The following VWC2L variants were observed in gnomAD, a reference collection of about 807,000 sequenced individuals.
The protein encoded by VWC2L is von Willebrand factor C domain-containing protein 2-like.
VWC2L carries 10 observed loss-of-function variants against 21.6 expected under a neutral mutation model. The ratio of observed to expected loss-of-function variants is 0.46; its 90% CI spans 0.29 to 0.78. The LOEUF (loss-of-function observed/expected upper bound fraction) is 0.78. VWC2L is among the 30% of genes least tolerant of loss of function. The pLI is 0.10. For synonymous variants in VWC2L, 96 were observed against 94.3 expected, an observed-to-expected ratio of 1.02 and a Z score of -0.10; for missense variants, 209 against 277.1, an observed-to-expected ratio of 0.75 and a Z score of 1.74.
chr2:214,549,253 T>C (rs781478213), intron 3 of VWC2L, among the ~76,000 whole-genome samples: 97 of 152,350 alleles, frequency 6.4e-4, no homozygotes, highest in Non-Finnish European at 1.1e-3. Context: ...GCACACTCGC[T>C]TTTACCATGT....
intron 3 of VWC2L, among the ~76,000 whole-genome samples, chr2:214,481,661 C>T (rs1182677272): frequency 6.6e-6 from 1 of 152,196 alleles, no homozygotes; most frequent in Admixed American, 6.5e-5. Flanking sequence ...AATAGTTTGA[C>T]ATCTGATGTA....
intron 3 of VWC2L, among the ~76,000 whole-genome samples, chr2:214,473,389 G>A (rs1303516296): frequency 6.6e-6 from 1 of 152,162 alleles, no homozygotes; most frequent in East Asian, 1.9e-4. Flanking sequence ...CTAAATAGGT[G>A]TTTCTTATTG....
chr2:214,500,745 G>A (rs1688880092), intron 3 of VWC2L, among the ~76,000 whole-genome samples: 1 of 152,216 alleles, frequency 6.6e-6, no homozygotes, highest in Admixed American at 6.5e-5. Flanking sequence ...GAATGAAGGA[G>A]AGAATCAGTA....
intron 3 of VWC2L, among the ~76,000 whole-genome samples, chr2:214,554,069 C>T (rs1351387749): frequency 2.0e-5 from 3 of 152,132 alleles, no homozygotes; most frequent in Non-Finnish European, 2.9e-5. Flanking sequence ...ATCTTGGACT[C>T]TTTCTGCACT....
chr2:214,507,630 T>G (rs1688985545), intron 3 of VWC2L, among the ~76,000 whole-genome samples: 2 of 152,180 alleles, frequency 1.3e-5, no homozygotes, highest in South Asian at 4.1e-4. Flanking sequence ...CAATGTACCA[T>G]GCTGGCACCC....
intron 3 of VWC2L, among the ~76,000 whole-genome samples, chr2:214,444,615 T>C (rs1702812452): frequency 6.6e-6 from 1 of 151,944 alleles, no homozygotes; most frequent in South Asian, 2.1e-4. Context: ...ATTTGGGGCA[T>C]TGGAAAATTC....
intron 3 of VWC2L, among the ~76,000 whole-genome samples, chr2:214,470,319 C>T: frequency 6.6e-6 from 1 of 151,832 alleles, no homozygotes; most frequent in East Asian, 1.9e-4. Flanking sequence ...CAACTCTCCT[C>T]ATTCTCGGGG....
chr2:214,554,907 G>A (rs1689851992), intron 3 of VWC2L, among the ~76,000 whole-genome samples: 1 of 152,014 alleles, frequency 6.6e-6, no homozygotes, highest in South Asian at 2.1e-4. Flanking sequence ...TGCCTCTTGT[G>A]GGGAAAATCT....
chr2:214,560,458 G>T (rs542784070), intron 3 of VWC2L, among the ~76,000 whole-genome samples: 2 of 152,130 alleles, frequency 1.3e-5, no homozygotes. Flanking sequence ...GTGAGAACAT[G>T]ACTTCCATTG....
chr2:214,458,104 T>A (rs1407019893), intron 3 of VWC2L, among the ~76,000 whole-genome samples: 2 of 152,108 alleles, frequency 1.3e-5, no homozygotes, highest in Non-Finnish European at 2.9e-5. Flanking sequence ...GGAGACTTTT[T>A]ATAACTGATT....
chr2:214,438,144 A>C (rs1420555541), intron 3 of VWC2L, among the ~76,000 whole-genome samples: 1 of 152,112 alleles, frequency 6.6e-6, no homozygotes. Flanking sequence ...TACAAGAAAG[A>C]ACAATAAGAG....
At chr2:214,439,035 T>C (rs1427517315) in intron 3 of VWC2L, among the ~76,000 whole-genome samples, 2 of 152,068 alleles carry the variant, frequency 1.3e-5, no homozygotes, top group Non-Finnish European at 2.9e-5. Flanking sequence ...TGTAACATTA[T>C]GAGATGTTAT....
chr2:214,450,071 G>A (rs921044849), intron 3 of VWC2L, among the ~76,000 whole-genome samples: 2 of 152,136 alleles, frequency 1.3e-5, no homozygotes, highest in Non-Finnish European at 1.5e-5. Context: ...GCAGGGCACT[G>A]GGCACTGATT....
intron 3 of VWC2L, among the ~76,000 whole-genome samples, chr2:214,467,764 A>G (rs1013469848): frequency 6.6e-6 from 1 of 152,178 alleles, no homozygotes; most frequent in Non-Finnish European, 1.5e-5. Flanking sequence ...CTAAATAACT[A>G]CTAAATGATG....
intron 3 of VWC2L, 87 bp from the exon 4 acceptor site, chr2:214,575,585 T>C: frequency 6.7e-7 from 1 of 1,484,310 alleles, no homozygotes. Context: ...CTTACTCATT[T>C]ATGGCTTTGG....
At chr2:214,496,508 T>C (rs1399640152) in intron 3 of VWC2L, among the ~76,000 whole-genome samples, 6 of 152,120 alleles carry the variant, frequency 3.9e-5, no homozygotes, top group African/African-American at 9.7e-5. Context: ...TTTCAGAACA[T>C]TGATAGACCT....
intron 3 of VWC2L, among the ~76,000 whole-genome samples, chr2:214,500,480 C>A (rs1688876842): frequency 6.6e-6 from 1 of 152,176 alleles, no homozygotes; most frequent in Admixed American, 6.5e-5. Context: ...ATGGCTACTG[C>A]AACTCTAACC....
intron 3 of VWC2L, among the ~76,000 whole-genome samples, chr2:214,543,501 T>C (rs903823591): frequency 5.9e-5 from 9 of 152,198 alleles, no homozygotes; most frequent in Non-Finnish European, 1.2e-4. Context: ...CAGAGTTTTT[T>C]TGAAGATAGT....
chr2:214,483,813 C>G (rs932802321), intron 3 of VWC2L, among the ~76,000 whole-genome samples: 1 of 152,138 alleles, frequency 6.6e-6, no homozygotes, highest in African/African-American at 2.4e-5. Flanking sequence ...CTGCACAAGA[C>G]AAGCCATGGT....
Sources: allele counts gnomAD v4.1 joint callset (sites outside exome capture counted in the v4.1 genomes callset), GRCh38; gene constraint gnomAD v4.1.1; transcripts MANE v1.5; gene names NCBI Gene and HGNC (gene_info 2026-07-23, HGNC 2026-07-21).